The following CTNNA2 variants were observed in gnomAD, a reference collection of about 807,000 sequenced individuals.
CTNNA2 encodes the protein catenin alpha 2, also known as catenin alpha-2.
A neutral mutation model predicts 101.0 loss-of-function variants in CTNNA2; 42 were observed. The observed-to-expected ratio is 0.42, with a 90% CI of 0.32 to 0.54. CTNNA2 has a LOEUF of 0.54. CTNNA2 is among the 20% of genes least tolerant of loss of function. The pLI is 0.14. For synonymous variants in CTNNA2, 450 were observed against 456.4 expected, an observed-to-expected ratio of 0.99 and a Z score of 0.18; for missense variants, 871 against 1,223.1, an observed-to-expected ratio of 0.71 and a Z score of 4.29.
At chr2:79,254,286 C>T (rs1280662272) in intron 2 of CTNNA2, among the ~76,000 whole-genome samples, 1 of 152,128 alleles carries the variant, frequency 6.6e-6, no homozygotes, top group East Asian at 1.9e-4. Flanking sequence ...GACCTGTGTC[C>T]CTCCCAAATC....
intron 14 of CTNNA2, among the ~76,000 whole-genome samples, chr2:80,582,406 G>A (rs1361068405): frequency 6.6e-6 from 1 of 152,104 alleles, no homozygotes; most frequent in African/African-American, 2.4e-5. Flanking sequence ...CCATATGATA[G>A]AAAAATAGAG....
intron 4 of CTNNA2, among the ~76,000 whole-genome samples, chr2:79,478,200 T>C (rs1243212405): frequency 6.6e-6 from 1 of 152,184 alleles, no homozygotes; most frequent in African/African-American, 2.4e-5. Context: ...GGCAGAAGGT[T>C]GGAAGCAAAA....
chr2:79,861,976 A>G (rs1681657105), intron 4 of CTNNA2, among the ~76,000 whole-genome samples: 1 of 152,214 alleles, frequency 6.6e-6, no homozygotes, highest in Admixed American at 6.5e-5. Flanking sequence ...TTAAGTTGAT[A>G]TGTGGCATCC....
intron 12 of CTNNA2, among the ~76,000 whole-genome samples, chr2:80,560,920 C>T (rs1273705727): frequency 6.6e-6 from 1 of 152,136 alleles, no homozygotes; most frequent in Non-Finnish European, 1.5e-5. Flanking sequence ...TAAATGAATA[C>T]CAAAAATGAG....
chr2:80,062,069 A>C (rs1697633809), intron 7 of CTNNA2, among the ~76,000 whole-genome samples: 1 of 152,232 alleles, frequency 6.6e-6, no homozygotes, highest in Non-Finnish European at 1.5e-5. Context: ...ACCTGGGAAA[A>C]AGCTGACATT....
chr2:80,622,591 T>A (rs920642813), intron 18 of CTNNA2, among the ~76,000 whole-genome samples: 1 of 151,920 alleles, frequency 6.6e-6, no homozygotes. Flanking sequence ...CAAGTCTCCT[T>A]CCCATATACT....
At chr2:79,288,956 A>C (rs1389532022) in intron 2 of CTNNA2, among the ~76,000 whole-genome samples, 2 of 152,218 alleles carry the variant, frequency 1.3e-5, no homozygotes, top group African/African-American at 4.8e-5. Context: ...CAAGTCACTT[A>C]TTTGATAGTC....
intron 4 of CTNNA2, among the ~76,000 whole-genome samples, chr2:79,436,675 A>G (rs1678718208): frequency 6.6e-6 from 1 of 151,172 alleles, no homozygotes; most frequent in Non-Finnish European, 1.5e-5. Context: ...TCTCTCACCC[A>G]GGCTGCAGTG....
At position 79,550,699 on chromosome 2, in the gene CTNNA2, C is replaced by T. The variant is rs556981962; in HGVS notation, c.-6+37492C>T. Among the ~76,000 whole-genome samples the T allele has an allele frequency of 2.2e-3, 342 of 152,238 alleles. 9 individuals are homozygous for T. In the South Asian group the frequency reaches 0.067, roughly 30 times the overall value. On this transcript the variant is annotated intron_variant, in intron 1 of 18. Transcript: ENST00000402739. The stretch of plus-strand genomic sequence containing the variant: ...TTTTTATACCAAATACCATGCATTG[C>T]GAGCAGGGTTTGGATTCCTAGCATT...
At chr2:79,498,156 C>A (rs1292119187) in intron 4 of CTNNA2, 2 of 152,154 alleles carry the variant, frequency 1.3e-5, no homozygotes, top group Non-Finnish European at 2.9e-5. Context: ...AAGAATATAC[C>A]TGAAAGAGAA....
At chr2:80,473,610 A>G (rs1453323249) in intron 9 of CTNNA2, among the ~76,000 whole-genome samples, 1 of 152,226 alleles carries the variant, frequency 6.6e-6, no homozygotes, top group African/African-American at 2.4e-5. Flanking sequence ...CTCACCAGTG[A>G]AAGCTCCAGA....
intron 7 of CTNNA2, among the ~76,000 whole-genome samples, chr2:80,366,592 T>C (rs957793938): frequency 1.3e-5 from 2 of 152,130 alleles, no homozygotes; most frequent in Non-Finnish European, 2.9e-5. Flanking sequence ...CTCTCCAACC[T>C]TGTGGTGGTG....
intron 10 of CTNNA2, among the ~76,000 whole-genome samples, chr2:80,545,583 G>C (rs1212317001): frequency 6.6e-6 from 1 of 152,122 alleles, no homozygotes; most frequent in Admixed American, 6.5e-5. Flanking sequence ...TATTTACCTT[G>C]TCTCGGCAGC....
At chr2:79,849,097 C>T (rs575319605) in intron 3 of CTNNA2, among the ~76,000 whole-genome samples, 10 of 152,256 alleles carry the variant, frequency 6.6e-5, no homozygotes, top group African/African-American at 2.4e-4. Context: ...GTCTCAACAT[C>T]ACTTCAGAGG....
At chr2:80,224,734 C>T (rs546759962) in intron 7 of CTNNA2, among the ~76,000 whole-genome samples, 5 of 152,086 alleles carry the variant, frequency 3.3e-5, no homozygotes, top group Admixed American at 6.5e-5. Context: ...ATGAGCCACT[C>T]GTGCCCAGCC....
Position 79,497,242 on chromosome 2 carries a change from G to A in CTNNA2, c.-134-7812G>A, listed in dbSNP as rs145927606. On this transcript the variant is annotated intron_variant, in intron 4 of 21. Transcript: ENST00000466387. ...TCTCCCTTTCAGCCCAGCTCACAAC[G>A]TCTCTCTGTTTCCCCAGCACGGCCC... Among the ~76,000 whole-genome samples, 275 of 152,268 alleles carry A rather than the reference G, an allele frequency of 1.8e-3. 1 individual carries two copies. The highest frequency in any genetic ancestry group is 6.3e-3 in the African/African-American group (260 of 41,552).
intron 4 of CTNNA2, among the ~76,000 whole-genome samples, chr2:79,475,670 C>A (rs959025579): frequency 1.9e-5 from 2 of 105,632 alleles, no homozygotes; most frequent in Non-Finnish European, 3.9e-5. Flanking sequence ...TATTTTTCAT[C>A]TTTGAATACT....
intron 7 of CTNNA2, among the ~76,000 whole-genome samples, chr2:80,384,679 T>C (rs562791070): frequency 2.0e-5 from 3 of 151,236 alleles, no homozygotes; most frequent in African/African-American, 7.3e-5. Context: ...TTTCTCAAGG[T>C]TAGTAACTAA....
intron 7 of CTNNA2, among the ~76,000 whole-genome samples, chr2:80,013,779 A>G (rs1232850400): frequency 6.6e-6 from 1 of 152,214 alleles, no homozygotes; most frequent in African/African-American, 2.4e-5. Context: ...GTCTTCCAGC[A>G]TCCTACTTAC....
Sources: gnomAD v4.1 joint callset for allele counts (sites outside exome capture counted in the v4.1 genomes callset) on GRCh38, gnomAD v4.1.1 for gene constraint, MANE v1.5 for transcripts, NCBI Gene and HGNC (gene_info 2026-07-23, HGNC 2026-07-21) for gene names.